NUAK1: variants seen among roughly 807,000 people sequenced by gnomAD.
NUAK1 encodes the protein NUAK family SNF1-like kinase 1.
NUAK1 carries 26 observed loss-of-function variants against 56.9 expected under a neutral mutation model. The ratio of observed to expected loss-of-function variants is 0.46; its 90% confidence interval spans 0.33 to 0.63. The LOEUF is 0.63. NUAK1 is among the 30% of genes least tolerant of loss of function. The pLI is 0.02. For missense variants in NUAK1, 727 were observed against 876.1 expected (o/e 0.83, Z 2.15); for synonymous variants, 337 against 336.0 (o/e 1.00, Z -0.03).
At chr12:106,093,974 A>AT (rs112037631) in intron 2 of NUAK1, among the ~76,000 whole-genome samples, 35,284 of 148,442 alleles carry the variant, frequency 0.24, 4,119 homozygotes, top group East Asian at 0.35. Flanking sequence ...AATCTTTGTA[A>AT]TTTTTTTTTT....
chr12:106,095,032 G>A (rs766882737), intron 2 of NUAK1, among the ~76,000 whole-genome samples: 45 of 152,150 alleles, frequency 3.0e-4, no homozygotes, highest in Non-Finnish European at 5.4e-4. Context: ...GGAAACGGGC[G>A]CTATCAGCCA....
At chr12:106,114,029 C>T (rs1189815077) in intron 1 of NUAK1, among the ~76,000 whole-genome samples, 2 of 152,158 alleles carry the variant, frequency 1.3e-5, no homozygotes, top group African/African-American at 2.4e-5. Context: ...TATTTTTGGA[C>T]GTTCACGTCT....
intron 2 of NUAK1, among the ~76,000 whole-genome samples, chr12:106,098,769 T>C (rs543950417): frequency 6.6e-6 from 1 of 152,326 alleles, no homozygotes; most frequent in Non-Finnish European, 1.5e-5. Flanking sequence ...TCGGGTCTCC[T>C]AGGCTTTCAA....
intron 5 of NUAK1, 91 bp downstream of exon 5, chr12:106,072,633 T>G (rs12425925): frequency 0.092 from 129,928 of 1,418,448 alleles, 11,291 homozygotes; most frequent in East Asian, 0.51. Context: ...TAGGCTCTGT[T>G]TTTTTAAGCA....
intron 2 of NUAK1, among the ~76,000 whole-genome samples, chr12:106,098,485 T>C (rs2032715779): frequency 6.6e-6 from 1 of 152,220 alleles, no homozygotes; most frequent in South Asian, 2.1e-4. Context: ...AGAGGCTTCC[T>C]ACTTTGTCCC....
In NUAK1 at chr12:106,138,404, C is replaced by T; in HGVS notation, c.240+10G>A. 1.2e-6 allele frequency: 2 copies of T among 1,601,518 alleles called. No homozygotes were observed. The highest frequency in any genetic ancestry group is 1.7e-6 in the Non-Finnish European group (2 of 1,175,384). ...GCGCCCCCCGCACCCTCCAGGATTG[C>T]CCCACTCACCACTCGGCCAGAAAAC... On this transcript the variant is annotated intron_variant, in intron 1 of 6. Coordinates refer to ENST00000261402, the MANE Select transcript of NUAK1 (RefSeq NM_014840.3). This position sits in a 1 kb window ranked among gnomAD's most constrained non-coding sequence, Gnocchi z 5.0.
chr12:106,076,980 C>G (rs2032470505), intron 4 of NUAK1, among the ~76,000 whole-genome samples: 1 of 152,150 alleles, frequency 6.6e-6, no homozygotes, highest in African/African-American at 2.4e-5. Context: ...AACTGTGTAC[C>G]TAAAACTGGT....
chr12:106,086,911 A>T (rs367582888), intron 2 of NUAK1, 26 bp from the exon 3 acceptor site: 4 of 1,599,766 alleles, frequency 2.5e-6, no homozygotes, highest in Non-Finnish European at 3.4e-6. Context: ...AGCAATACAC[A>T]AACACCCCGT....
At position 106,121,683 on chromosome 12, in the gene NUAK1, G is replaced by C. The variant is rs370068097; in HGVS notation, c.241-15158C>G. Reference sequence around the variant, plus strand: ...TGGAAGCACTTGAACTCAGGAGGCAGAGGTTACAGTGTGCCGAGACTGTGC... The same window carrying C: ...TGGAAGCACTTGAACTCAGGAGGCACAGGTTACAGTGTGCCGAGACTGTGC... On this transcript the variant is annotated intron_variant, in intron 1 of 6. Coordinates refer to ENST00000261402, the MANE Select transcript of NUAK1 (RefSeq NM_014840.3). Among the ~76,000 whole-genome samples the C allele has an allele frequency of 8.5e-5, 13 of 152,230 alleles. No individual in the cohort carries two copies. The East Asian group carries it at 1.9e-3, about 23-fold the overall frequency.
intron 1 of NUAK1, among the ~76,000 whole-genome samples, chr12:106,128,883 G>A (rs562208839): frequency 6.6e-6 from 1 of 152,280 alleles, no homozygotes; most frequent in East Asian, 1.9e-4. Flanking sequence ...AATCATGATG[G>A]TGTTTTTTCA....
chr12:106,127,840 A>G (rs1351555304), intron 1 of NUAK1, among the ~76,000 whole-genome samples: 1 of 152,104 alleles, frequency 6.6e-6, no homozygotes, highest in Non-Finnish European at 1.5e-5. Flanking sequence ...AGTGTGCTCG[A>G]CACAGCAGCA....
At chr12:106,105,435 C>A (rs75548469) in intron 2 of NUAK1, among the ~76,000 whole-genome samples, 2 of 151,950 alleles carry the variant, frequency 1.3e-5, no homozygotes, top group Non-Finnish European at 2.9e-5. Flanking sequence ...AAGTGTTTGG[C>A]AAAAGAAATT....
chr12:106,083,111 C>A (rs2032535734), intron 4 of NUAK1, among the ~76,000 whole-genome samples: 1 of 152,200 alleles, frequency 6.6e-6, no homozygotes, highest in Non-Finnish European at 1.5e-5. Flanking sequence ...CAGCAGCCAG[C>A]AATAATACTC....
At chr12:106,094,147 C>T (rs537745160) in intron 2 of NUAK1, among the ~76,000 whole-genome samples, 1 of 152,238 alleles carries the variant, frequency 6.6e-6, no homozygotes, top group South Asian at 2.1e-4. Flanking sequence ...TAGGGCCTAG[C>T]AGTGGCCCCA....
chr12:106,083,827 A>G (rs1345317437), intron 4 of NUAK1, 37 bp downstream of exon 4: 1 of 1,577,328 alleles, frequency 6.3e-7, no homozygotes, highest in Non-Finnish European at 8.7e-7. Context: ...TGCAAGACCC[A>G]GGCCCTGCAT....
chr12:106,106,289 T>G, intron 2 of NUAK1, 116 bp downstream of exon 2: 1 of 898,892 alleles, frequency 1.1e-6, no homozygotes, highest in Non-Finnish European at 1.6e-6. Context: ...TTTTGCATCA[T>G]GAGGAAAAAT....
chr12:106,088,061 T>G (rs912875869), intron 2 of NUAK1, among the ~76,000 whole-genome samples: 6 of 152,334 alleles, frequency 3.9e-5, no homozygotes, highest in Middle Eastern at 3.4e-3. Flanking sequence ...CTAGCCGTTA[T>G]GTTCAAAGTC....
intron 1 of NUAK1, among the ~76,000 whole-genome samples, chr12:106,123,660 AG>A (rs1216686583): frequency 2.6e-5 from 4 of 152,310 alleles, no homozygotes; most frequent in African/African-American, 7.2e-5. Flanking sequence ...GAACAAGGTC[AG>A]GTACGAGGCA....
chr12:106,120,273 A>G (rs1304333699), intron 1 of NUAK1, among the ~76,000 whole-genome samples: 1 of 152,228 alleles, frequency 6.6e-6, no homozygotes, highest in South Asian at 2.1e-4. Flanking sequence ...GCTAAGGATA[A>G]GAAGTCCAAT....
Sources: gnomAD v4.1 joint callset for allele counts (sites outside exome capture counted in the v4.1 genomes callset) on GRCh38, gnomAD v4.1.1 for gene constraint, Gnocchi (gnomAD v3.1) non-coding constraint, MANE v1.5 for transcripts, NCBI Gene and HGNC (gene_info 2026-07-23, HGNC 2026-07-21) for gene names.